The following RGMA variants were observed in gnomAD, a reference collection of about 807,000 sequenced individuals.
The protein encoded by RGMA is repulsive guidance molecule A.
A neutral mutation model predicts 23.2 loss-of-function variants in RGMA; 10 were observed. The observed-to-expected ratio is 0.43, with a 90% CI of 0.27 to 0.73. RGMA has a LOEUF of 0.73. RGMA is among the 30% of genes least tolerant of loss of function. The pLI is 0.20. For missense variants in RGMA, 547 were observed against 630.5 expected (o/e 0.87, Z 1.42); for synonymous variants, 308 against 279.3 (o/e 1.10, Z -1.03).
intron 2 of RGMA, chr15:93,065,872 T>C: frequency 1.4e-6 from 1 of 735,072 alleles, no homozygotes; most frequent in Admixed American, 1.8e-5. Context: ...CTCTTTGGGC[T>C]CTACCCCGTC....
At chr15:93,050,345 A>C (rs907821514) in intron 3 of RGMA, among the ~76,000 whole-genome samples, 5 of 152,138 alleles carry the variant, frequency 3.3e-5, no homozygotes, top group African/African-American at 1.2e-4. Flanking sequence ...CCAGCCACCG[A>C]CGTTCTCACC....
intron 3 of RGMA, among the ~76,000 whole-genome samples, chr15:93,049,732 G>A (rs572963707): frequency 1.3e-5 from 2 of 152,332 alleles, no homozygotes; most frequent in South Asian, 4.1e-4. Flanking sequence ...GCAAGGTCAG[G>A]GTCAGGCCAG....
At chr15:93,088,385 T>C in intron 1 of RGMA, 7 of 985,484 alleles carry the variant, frequency 7.1e-6, no homozygotes, top group Non-Finnish European at 8.4e-6. Context: ...CGGCCCTCAA[T>C]CCAAGGTCCG....
At chr15:93,068,064 G>A (rs1302465767) in intron 2 of RGMA, among the ~76,000 whole-genome samples, 1 of 152,066 alleles carries the variant, frequency 6.6e-6, no homozygotes, top group Non-Finnish European at 1.5e-5. Context: ...TGAGTCCAGG[G>A]GACAGGAGAG....
Position 93,052,273 on chromosome 15 carries a change from G to C in RGMA, c.365C>G (p.Ser122Trp). The C allele has an allele frequency of 6.2e-7, 1 of 1,603,092 alleles. No individual in the cohort carries two copies. The highest frequency in any genetic ancestry group is 8.5e-7 in the Non-Finnish European group (1 of 1,174,474). Residue 122 changes from serine (S) to tryptophan (W), a missense_variant, in exon 3 of 4, where the codon TCG (serine) becomes TGG (tryptophan). Ser to Trp is a radical substitution (Grantham distance 177). This residue lies in a region of RGMA where 214 missense variants were observed against 234.7 expected (regional missense o/e 0.91). Coordinates refer to ENST00000329082, the MANE Select transcript of RGMA (RefSeq NM_020211.3). ...TGGGAGCGTGCGCAGGCGTGGCTGC[G>C]AGGTGGGGCCATCCTTGGAGCAGTT... ...QHNCSKDGPT[S>W]QPRLRTLPPA...
intron 3 of RGMA, among the ~76,000 whole-genome samples, chr15:93,049,796 G>A (rs1338590833): frequency 1.3e-5 from 2 of 152,238 alleles, no homozygotes; most frequent in South Asian, 4.1e-4. Context: ...AAGGGCAGGT[G>A]TGCAGGGACA....
At chr15:93,065,612 C>T in intron 2 of RGMA, 2 of 821,546 alleles carry the variant, frequency 2.4e-6, no homozygotes, top group African/African-American at 1.7e-5. Context: ...GGCGGGGTCC[C>T]CACTGTTGAT....
At chr15:93,067,037 C>G (rs1299168538) in intron 2 of RGMA, among the ~76,000 whole-genome samples, 4 of 152,212 alleles carry the variant, frequency 2.6e-5, no homozygotes, top group South Asian at 2.1e-4. Flanking sequence ...GCCACTCAAC[C>G]AAAAGAGCTT....
chr15:93,088,860 G>C, intron 1 of RGMA, 59 bp downstream of exon 1: 1 of 1,457,118 alleles, frequency 6.9e-7, no homozygotes. Context: ...CCCGGCATGT[G>C]TCGGCGGCGC....
chr15:93,059,473 C>G (rs2055067737), intron 2 of RGMA, among the ~76,000 whole-genome samples: 1 of 152,190 alleles, frequency 6.6e-6, no homozygotes, highest in South Asian at 2.1e-4. Context: ...TTCCAAAGCT[C>G]AAGGGAATGA....
rs1446848378 is a variant in RGMA at position 93,041,667 on chromosome 15, C to G, written c.*3331G>C. 1.3e-5 allele frequency: 2 copies of G among 152,196 alleles called. No homozygotes were observed. The highest frequency in any genetic ancestry group is 2.4e-5 in the African/African-American group (1 of 41,426). The allele number at this position is 152,196 out of a possible 1,614,324, so 9.4% of individuals were successfully genotyped here. A position where few individuals can be genotyped will look rare whatever the true frequency, so the allele number is the denominator to read the frequency against. ...GGAACTGTTCTCTGTGCCGGACGAGCACCAATGGCTCCGCTCCTCCTTGCT... is the reference window on the plus strand; with the variant it reads ...GGAACTGTTCTCTGTGCCGGACGAGGACCAATGGCTCCGCTCCTCCTTGCT... On this transcript the variant is annotated 3_prime_UTR_variant, in exon 4 of 4. Coordinates refer to ENST00000329082, the MANE Select transcript of RGMA (RefSeq NM_020211.3).
chr15:93,079,344 T>G (rs1895521782), intron 1 of RGMA, among the ~76,000 whole-genome samples: 1 of 152,256 alleles, frequency 6.6e-6, no homozygotes, highest in South Asian at 2.1e-4. Context: ...ACAGAATTCA[T>G]CCTGGGTTTC....
At chr15:93,051,313 C>G (rs568274818) in intron 3 of RGMA, among the ~76,000 whole-genome samples, 1 of 152,346 alleles carries the variant, frequency 6.6e-6, no homozygotes, top group East Asian at 1.9e-4. Context: ...CCTAGGAAAA[C>G]AGACCCACTG....
At chr15:93,051,755 CA>C (rs1469449700) in intron 3 of RGMA, among the ~76,000 whole-genome samples, 2 of 152,224 alleles carry the variant, frequency 1.3e-5, no homozygotes, top group Non-Finnish European at 2.9e-5. Context: ...CCTCTTAGAG[CA>C]TCAGGCTCCC....
intron 2 of RGMA, among the ~76,000 whole-genome samples, chr15:93,061,693 A>G (rs913353727): frequency 3.9e-5 from 6 of 152,236 alleles, no homozygotes; most frequent in African/African-American, 1.4e-4. Context: ...GAGAATCAGA[A>G]AGATAGGGGA....
intron 2 of RGMA, among the ~76,000 whole-genome samples, chr15:93,063,548 A>G (rs1895040909): frequency 6.6e-6 from 1 of 152,212 alleles, no homozygotes; most frequent in East Asian, 1.9e-4. Context: ...ATCCTGGTGT[A>G]AACATCCAGG....
chr15:93,071,087 A>C (rs760777667), intron 2 of RGMA, among the ~76,000 whole-genome samples: 1 of 152,138 alleles, frequency 6.6e-6, no homozygotes, highest in Non-Finnish European at 1.5e-5. Context: ...AGGGCCTCTA[A>C]GCCCCTCTTC....
At chr15:93,065,243 T>C (rs1195151280) in intron 2 of RGMA, among the ~76,000 whole-genome samples, 1 of 151,626 alleles carries the variant, frequency 6.6e-6, no homozygotes. Flanking sequence ...GCTTCAGAGG[T>C]TGGGGGCCGG....
rs529155556 is a variant in RGMA at position 93,083,411 on chromosome 15, C to T, written c.14+5508G>A. On this transcript the variant is annotated intron_variant, in intron 1 of 3. Coordinates refer to ENST00000329082, the MANE Select transcript of RGMA (RefSeq NM_020211.3). ...GGCATGATCATAGCTCACTGCAACC[C>T]CCGCTTCCAAGGTTCAAGCGATCTT... 2.6e-4 allele frequency among the ~76,000 whole-genome samples: 40 copies of T among 152,192 alleles called. No homozygotes were observed. In the South Asian group the frequency reaches 6.8e-3, roughly 26 times the overall value.
Sources: allele counts gnomAD v4.1 joint callset (sites outside exome capture counted in the v4.1 genomes callset), GRCh38; gene constraint gnomAD v4.1.1; regional missense constraint gnomAD v4.1.1; transcripts MANE v1.5; gene names NCBI Gene and HGNC (gene_info 2026-07-23, HGNC 2026-07-21).